MYO5A: variants seen among roughly 807,000 people sequenced by gnomAD.
The protein encoded by MYO5A is unconventional myosin-Va.
In MYO5A, 98 loss-of-function variants were observed where a neutral mutation model predicts 249.7. The observed-to-expected ratio is 0.39, with a 90% confidence interval of 0.33 to 0.46. MYO5A has a LOEUF of 0.46. Among genes scored for constraint, MYO5A ranks in the 20% least tolerant of loss-of-function variants. The pLI is 0.98. For synonymous variants in MYO5A, 778 were observed against 810.6 expected (o/e 0.96, Z 0.68); for missense variants, 1,696 against 2,308.8 (o/e 0.73, Z 5.44).
At chr15:52,503,273 T>C (rs1262860889) in intron 1 of MYO5A, among the ~76,000 whole-genome samples, 2 of 152,206 alleles carry the variant, frequency 1.3e-5, no homozygotes, top group Non-Finnish European at 2.9e-5. Context: ...ATTATATCAA[T>C]GTATTAAATT....
At chr15:52,350,181 C>T (rs548731268) in intron 28 of MYO5A, among the ~76,000 whole-genome samples, 1 of 152,342 alleles carries the variant, frequency 6.6e-6, no homozygotes, top group African/African-American at 2.4e-5. Flanking sequence ...ATCTGCCCGC[C>T]TCGGCCTCCC....
chr15:52,413,377 C>T (rs1265795162), intron 5 of MYO5A, among the ~76,000 whole-genome samples: 1 of 151,490 alleles, frequency 6.6e-6, no homozygotes, highest in African/African-American at 2.4e-5. Context: ...AAAATGAAAA[C>T]ATGAAATGAA....
At chr15:52,337,072 A>G (rs2039153473) in intron 33 of MYO5A, among the ~76,000 whole-genome samples, 1 of 152,218 alleles carries the variant, frequency 6.6e-6, no homozygotes, top group Admixed American at 6.5e-5. Context: ...GAATTAAAAG[A>G]TAAGTTGAAA....
chr15:52,353,833 G>C, intron 26 of MYO5A, 38 bp downstream of exon 26: 3 of 1,611,322 alleles, frequency 1.9e-6, no homozygotes, highest in Non-Finnish European at 2.5e-6. Context: ...TGGACATAAA[G>C]CCCAGCTTCA....
At chr15:52,466,780 G>T (rs910854997) in intron 1 of MYO5A, among the ~76,000 whole-genome samples, 47 of 152,176 alleles carry the variant, frequency 3.1e-4, no homozygotes, top group African/African-American at 1.1e-3. Context: ...GCAGGATCCA[G>T]GCCCCTGGGG....
intron 1 of MYO5A, among the ~76,000 whole-genome samples, chr15:52,483,545 A>C (rs2076758318): frequency 6.6e-6 from 1 of 151,908 alleles, no homozygotes; most frequent in African/African-American, 2.4e-5. Context: ...CAACAACAAA[A>C]AACTATGGGT....
In MYO5A at chr15:52,440,260, T is replaced by TTTTTTC. The variant is rs2075758615; in HGVS notation, c.28-6981_28-6976dup. Among the ~76,000 whole-genome samples, 3 of 147,024 alleles carry TTTTTTC rather than the reference T, an allele frequency of 2.0e-5. No individual in the cohort carries two copies. In the East Asian group the frequency reaches 5.9e-4, roughly 29 times the overall value. The stretch of plus-strand genomic sequence containing the variant: ...TTTAAGGAGGCACCAGCCATCTTTT[T>TTTTTTC]TTTTTCTTTTTCTTTTTTTTTTTCT... On this transcript the variant is annotated intron_variant, in intron 1 of 41. Transcript: ENST00000399233.
At chr15:52,379,555 T>C (rs888523036) in intron 18 of MYO5A, 70 bp downstream of exon 18, 34 of 1,378,574 alleles carry the variant, frequency 2.5e-5, no homozygotes, top group Non-Finnish European at 3.5e-5. Context: ...ATACAAAAGT[T>C]CCCGGGGCTT....
rs75630727 is a variant in MYO5A, at chr15:52,516,281, G to C, written c.27+12499C>G. On this transcript the variant is annotated intron_variant, in intron 1 of 41. Coordinates refer to ENST00000399233, the MANE Select transcript of MYO5A (RefSeq NM_001382347.1). ...CAAGGAAGGAAACAGTTGCAACAAAGCCCTCAGAATAGTATCTGGCCTACA... is the reference window on the plus strand; with the variant it reads ...CAAGGAAGGAAACAGTTGCAACAAACCCCTCAGAATAGTATCTGGCCTACA... Among the ~76,000 whole-genome samples, 481 of 152,270 alleles carry C rather than the reference G, an allele frequency of 3.2e-3. 4 individuals carry two copies. The highest frequency in any genetic ancestry group is 0.011 in the African/African-American group (467 of 41,558).
intron 38 of MYO5A, among the ~76,000 whole-genome samples, chr15:52,320,611 A>G (rs2140927268): frequency 6.6e-6 from 1 of 152,194 alleles, no homozygotes; most frequent in East Asian, 1.9e-4. Flanking sequence ...ACTGTGGCCT[A>G]TGAAAGCAAA....
At chr15:52,501,269 C>A (rs184197505) in intron 1 of MYO5A, among the ~76,000 whole-genome samples, 4 of 152,126 alleles carry the variant, frequency 2.6e-5, no homozygotes, top group Non-Finnish European at 4.4e-5. Flanking sequence ...CCGCGCCCAG[C>A]CAGAAAACGT....
At chr15:52,512,555 A>G (rs1311279491) in intron 1 of MYO5A, among the ~76,000 whole-genome samples, 1 of 152,174 alleles carries the variant, frequency 6.6e-6, no homozygotes, top group Non-Finnish European at 1.5e-5. Flanking sequence ...CAAGAAGGAC[A>G]TACATCAAAA....
At chr15:52,384,450 C>T in intron 14 of MYO5A, 128 bp from the exon 15 acceptor site, 1 of 962,348 alleles carries the variant, frequency 1.0e-6, no homozygotes, top group Non-Finnish European at 1.6e-6. Flanking sequence ...CAGAAAGAGT[C>T]AGTATCTGTG....
chr15:52,387,890 A>C lies in MYO5A; in HGVS notation c.1691T>G (p.Phe564Cys), dbSNP rs2042036037. The C allele has an allele frequency of 6.2e-7, 1 of 1,612,046 alleles. No homozygotes were observed. The highest frequency in any genetic ancestry group is 1.3e-5 in the African/African-American group (1 of 74,882). The change falls in exon 14 of 42, where the codon TTT becomes TGT. Residue 564 changes from phenylalanine (F) to cysteine (C), a missense_variant. Around this residue, in one of 5 missense-constraint regions of MYO5A, gnomAD observed 277 missense variants for 422.4 expected, o/e 0.66. Transcript: ENST00000399233. ...ADKVEYQCEG[F>C]LEKNKDTVFE... ...AACGGTGTCTTTATTCTTTTCGAGA[A>C]ATCCTTCACACTGGTATTCCACCTG...
intron 31 of MYO5A, among the ~76,000 whole-genome samples, chr15:52,341,923 T>A (rs1188311172): frequency 6.6e-6 from 1 of 152,240 alleles, no homozygotes; most frequent in African/African-American, 2.4e-5. Context: ...ATTTAACGGG[T>A]TGAATTTGGG....
At chr15:52,444,397 T>C (rs1043494205) in intron 1 of MYO5A, among the ~76,000 whole-genome samples, 3 of 152,214 alleles carry the variant, frequency 2.0e-5, no homozygotes, top group Non-Finnish European at 2.9e-5. Context: ...TCACAGGACT[T>C]TGATCAGGAT....
At chr15:52,385,033 A>G (rs1293005034) in intron 14 of MYO5A, among the ~76,000 whole-genome samples, 1 of 152,218 alleles carries the variant, frequency 6.6e-6, no homozygotes, top group Non-Finnish European at 1.5e-5. Context: ...TCAGGTTAGC[A>G]ATGTGAAAGA....
chr15:52,368,732 C>T (rs1370832193), intron 22 of MYO5A, among the ~76,000 whole-genome samples: 6 of 152,110 alleles, frequency 3.9e-5, no homozygotes, highest in Admixed American at 1.3e-4. Context: ...TAGGAAACAC[C>T]GTCTGAACTA....
At position 52,520,995 on chromosome 15, in the gene MYO5A, C is replaced by A. The variant is rs560566630; in HGVS notation, c.27+7785G>T. 2.0e-5 allele frequency among the ~76,000 whole-genome samples: 3 copies of A among 152,178 alleles called. No homozygotes were observed. In the South Asian group the frequency reaches 6.2e-4, roughly 32 times the overall value. ...CAGTAATCTCAGCACTTTGGGAGGC[C>A]GAGGCAGGCGTATCACATGGTCAGG... On this transcript the variant is annotated intron_variant, in intron 1 of 41. Transcript: ENST00000399233.
Sources: gnomAD v4.1 joint callset for allele counts (sites outside exome capture counted in the v4.1 genomes callset) on GRCh38, gnomAD v4.1.1 for gene constraint, gnomAD v4.1.1 regional missense constraint, MANE v1.5 for transcripts, NCBI Gene and HGNC (gene_info 2026-07-23, HGNC 2026-07-21) for gene names.